Variants in TFDP2 observed in about 807,000 individuals in gnomAD.
The protein encoded by TFDP2 is transcription factor Dp-2 (E2F dimerization partner 2).
A neutral mutation model predicts 59.3 loss-of-function variants in TFDP2; 17 were observed. That is an observed-to-expected ratio of 0.29 (90% CI 0.20 to 0.43). The LOEUF is 0.43. TFDP2 is among the 20% of genes least tolerant of loss of function. TFDP2 has a pLI of 1.00. For synonymous variants in TFDP2, 180 were observed against 194.7 expected (o/e 0.92, Z 0.63); for missense variants, 391 against 528.8 (o/e 0.74, Z 2.56).
chr3:142,066,402 C>G (rs1047722927), intron 3 of TFDP2, among the ~76,000 whole-genome samples: 8 of 152,180 alleles, frequency 5.3e-5, no homozygotes, highest in Admixed American at 5.2e-4. Context: ...ACCTATCAAA[C>G]ATTATAGGTT....
At chr3:142,136,409 G>A (rs947055688) in intron 1 of TFDP2, among the ~76,000 whole-genome samples, 1 of 152,028 alleles carries the variant, frequency 6.6e-6, no homozygotes, top group Admixed American at 6.6e-5. Flanking sequence ...TTGCCGTGCA[G>A]AAGCTCTTTA....
chr3:141,988,267 G>A (rs1251603256), intron 6 of TFDP2, among the ~76,000 whole-genome samples: 1 of 152,138 alleles, frequency 6.6e-6, no homozygotes, highest in Non-Finnish European at 1.5e-5. Context: ...TTTGCCAATT[G>A]TCTTTAACAT....
chr3:142,082,025 G>A (rs141981557), intron 3 of TFDP2, among the ~76,000 whole-genome samples: 99 of 152,320 alleles, frequency 6.5e-4, no homozygotes, highest in African/African-American at 2.3e-3. Context: ...ACTGCAGGAG[G>A]TGAGTGGCGG....
intron 1 of TFDP2, among the ~76,000 whole-genome samples, chr3:142,136,996 A>C (rs1270647585): frequency 1.3e-5 from 2 of 152,086 alleles, no homozygotes; most frequent in Non-Finnish European, 2.9e-5. Flanking sequence ...CCATTTTCAC[A>C]ATATTGATTC....
chr3:142,057,342 G>T (rs1262891105), intron 3 of TFDP2, among the ~76,000 whole-genome samples: 3 of 152,152 alleles, frequency 2.0e-5, no homozygotes, highest in Admixed American at 2.0e-4. Context: ...GTGTGAAAAT[G>T]AAAATACAAG....
rs565856633 is a variant in TFDP2 at position 141,994,957 on chromosome 3, G to A, written c.308+63C>T. On this transcript the variant is annotated intron_variant, in intron 5 of 12. Coordinates refer to ENST00000489671, the MANE Select transcript of TFDP2 (RefSeq NM_001178139.2). ...TAAAACAAGAACAGAAGACAAGATA[G>A]TAAGAAAAAAATGTCTAAACTTTTT... 5.7e-5 allele frequency: 80 copies of A among 1,400,482 alleles called. No individual in the cohort carries two copies. In the African/African-American group the frequency reaches 1.1e-3, roughly 19 times the overall value. The allele number at this position is 1,400,482 out of a possible 1,614,324, so 86.8% of individuals were successfully genotyped here.
intron 3 of TFDP2, among the ~76,000 whole-genome samples, chr3:142,063,809 G>A (rs760883052): frequency 4.0e-5 from 6 of 151,582 alleles, no homozygotes; most frequent in South Asian, 4.2e-4. Context: ...TGATGACATC[G>A]TAGTATTAGA....
chr3:142,126,181 C>CTTTTTTTT (rs747958824), intron 1 of TFDP2: 17 of 136,852 alleles, frequency 1.2e-4, no homozygotes, highest in East Asian at 4.2e-4. Flanking sequence ...TTTTTCTTTT[C>CTTTTTTTT]TTTTTTTTTT....
chr3:142,142,985 C>A (rs540554794), intron 1 of TFDP2, among the ~76,000 whole-genome samples: 61 of 152,354 alleles, frequency 4.0e-4, no homozygotes, highest in Non-Finnish European at 7.3e-4. Flanking sequence ...CCTGTAATCC[C>A]AGCACTTTGG....
At chr3:142,007,395 C>T (rs1212361130) in intron 3 of TFDP2, among the ~76,000 whole-genome samples, 4 of 152,130 alleles carry the variant, frequency 2.6e-5, no homozygotes, top group Admixed American at 6.6e-5. Flanking sequence ...TTCAGATCTT[C>T]ACTCCATCTC....
At chr3:142,010,699 G>A (rs1487526913) in intron 3 of TFDP2, among the ~76,000 whole-genome samples, 1 of 149,676 alleles carries the variant, frequency 6.7e-6, no homozygotes, top group Non-Finnish European at 1.5e-5. Context: ...GTCTGACAAA[G>A]GGCTAATATC....
intron 3 of TFDP2, among the ~76,000 whole-genome samples, chr3:142,065,509 G>GGGTGT (rs1553794515): frequency 6.7e-6 from 1 of 148,254 alleles, no homozygotes; most frequent in Non-Finnish European, 1.5e-5. Context: ...TGTGTGTGTG[G>GGGTGT]GTGTGTGTGT....
Position 142,121,447 on chromosome 3 carries a change from T to G in TFDP2, c.-92-19606A>C, listed in dbSNP as rs1054746551. 5.3e-5 allele frequency among the ~76,000 whole-genome samples: 8 copies of G among 152,168 alleles called. No homozygotes were observed. The highest frequency in any genetic ancestry group is 1.9e-4 in the African/African-American group (8 of 41,436). ...TAAAGGGTGGGAATCAGGTTCTAAC[T>G]CGAGTTAAATTAGTAATAGAGATAA... On this transcript the variant is annotated intron_variant, in intron 1 of 12. Transcript: ENST00000489671. The surrounding 1 kb of genome is among the most constrained non-coding windows in gnomAD (Gnocchi z 4.3).
At chr3:142,092,571 G>A (rs369176457) in intron 3 of TFDP2, among the ~76,000 whole-genome samples, 147 of 152,086 alleles carry the variant, frequency 9.7e-4, no homozygotes, top group African/African-American at 2.8e-3. Context: ...CTTCTGCCTC[G>A]GCCTCCCAAA....
chr3:142,086,038 C>T (rs1041334673), intron 3 of TFDP2, among the ~76,000 whole-genome samples: 2 of 152,096 alleles, frequency 1.3e-5, no homozygotes, highest in Admixed American at 6.5e-5. Flanking sequence ...CACTATCTTC[C>T]GCCCTTGTTC....
intron 1 of TFDP2, among the ~76,000 whole-genome samples, chr3:142,140,338 A>G (rs1253916306): frequency 6.6e-6 from 1 of 152,092 alleles, no homozygotes; most frequent in African/African-American, 2.4e-5. Context: ...GTTTGTTATT[A>G]CCAACCTTCT....
At chr3:142,094,065 G>A (rs1361982666) in intron 2 of TFDP2, 3 of 336,764 alleles carry the variant, frequency 8.9e-6, no homozygotes, top group Non-Finnish European at 1.8e-5. Flanking sequence ...TGGCATCACA[G>A]AGCTGAATAC....
At chr3:142,132,939 T>C (rs974057749) in intron 1 of TFDP2, among the ~76,000 whole-genome samples, 1 of 149,684 alleles carries the variant, frequency 6.7e-6, no homozygotes. Flanking sequence ...AGTTAATTTA[T>C]AAATTCAATA....
chr3:141,973,035 G>A (rs1191022917), intron 8 of TFDP2, among the ~76,000 whole-genome samples: 1 of 148,120 alleles, frequency 6.8e-6, no homozygotes, highest in Non-Finnish European at 1.5e-5. Context: ...CTGAATTGCT[G>A]GGGAGAAAAG....
Sources: allele counts gnomAD v4.1 joint callset (sites outside exome capture counted in the v4.1 genomes callset), GRCh38; gene constraint gnomAD v4.1.1; non-coding constraint Gnocchi (gnomAD v3.1); transcripts MANE v1.5; gene names NCBI Gene and HGNC (gene_info 2026-07-23, HGNC 2026-07-21).